The following TRHDE variants were observed in gnomAD, a reference collection of about 807,000 sequenced individuals.
The protein encoded by TRHDE is thyrotropin releasing hormone degrading enzyme.
A neutral mutation model predicts 125.7 loss-of-function variants in TRHDE; 72 were observed. The observed-to-expected ratio is 0.57, with a 90% CI of 0.47 to 0.70. The LOEUF (loss-of-function observed/expected upper bound fraction) is 0.70. Among genes scored for constraint, TRHDE ranks in the 30% least tolerant of loss-of-function variants. TRHDE has a pLI of 0.00. For synonymous variants in TRHDE, 509 were observed against 509.1 expected (o/e 1.00, Z 0.00); for missense variants, 1,110 against 1,327.1 (o/e 0.84, Z 2.54).
At chr12:72,348,140 A>C (rs961745094) in intron 2 of TRHDE, among the ~76,000 whole-genome samples, 1 of 152,072 alleles carries the variant, frequency 6.6e-6, no homozygotes, top group African/African-American at 2.4e-5. Flanking sequence ...TTATATATAT[A>C]CACACACATT....
intron 5 of TRHDE, among the ~76,000 whole-genome samples, chr12:72,495,059 C>CA (rs1592489033): frequency 1.7e-5 from 1 of 59,982 alleles, no homozygotes. Flanking sequence ...GTTCCTCCCC[C>CA]GTTTTTTTTT....
At chr12:72,615,180 G>A (rs1872770492) in intron 12 of TRHDE, among the ~76,000 whole-genome samples, 1 of 151,860 alleles carries the variant, frequency 6.6e-6, no homozygotes, top group Non-Finnish European at 1.5e-5. Context: ...CCAATAGTAG[G>A]GAAGAAAGGT....
intron 2 of TRHDE, among the ~76,000 whole-genome samples, chr12:72,165,739 A>G (rs1044790486): frequency 2.6e-5 from 4 of 151,418 alleles, no homozygotes; most frequent in Non-Finnish European, 1.5e-5. Context: ...CAGGGGCACG[A>G]TCTTGGCTCA....
At chr12:72,200,414 A>G (rs186564691) in intron 2 of TRHDE, among the ~76,000 whole-genome samples, 1 of 152,330 alleles carries the variant, frequency 6.6e-6, no homozygotes, top group East Asian at 1.9e-4. Flanking sequence ...CATCCAAAAG[A>G]TGTGTGTTAG....
At chr12:72,525,601 T>TTTTGTG (rs1302553989) in intron 6 of TRHDE, among the ~76,000 whole-genome samples, 1 of 127,672 alleles carries the variant, frequency 7.8e-6, no homozygotes, top group African/African-American at 3.2e-5. Flanking sequence ...TGTGTGTGGT[T>TTTTGTG]TGTGTGTGTG....
At chr12:72,396,617 G>T (rs1486611034) in intron 3 of TRHDE, among the ~76,000 whole-genome samples, 1 of 152,048 alleles carries the variant, frequency 6.6e-6, no homozygotes, top group African/African-American at 2.4e-5. Context: ...GATGGTGCAT[G>T]CCTGTACTCC....
At chr12:72,470,404 C>A (rs1876585108) in intron 4 of TRHDE, among the ~76,000 whole-genome samples, 1 of 152,190 alleles carries the variant, frequency 6.6e-6, no homozygotes, top group Non-Finnish European at 1.5e-5. Flanking sequence ...ACTCTTTGTT[C>A]TCAAATGATT....
At chr12:72,287,056 T>C in intron 2 of TRHDE, 102 bp downstream of exon 2, 1 of 1,206,070 alleles carries the variant, frequency 8.3e-7, no homozygotes. Context: ...TTTTACACCT[T>C]ATATAGTGGA....
At chr12:72,554,177 TA>T (rs976192713) in intron 7 of TRHDE, among the ~76,000 whole-genome samples, 2 of 152,136 alleles carry the variant, frequency 1.3e-5, no homozygotes, top group African/African-American at 4.8e-5. Flanking sequence ...ATAGTGTTTC[TA>T]GAACATTTTG....
intron 2 of TRHDE, among the ~76,000 whole-genome samples, chr12:72,216,232 C>T (rs944592539): frequency 1.3e-5 from 2 of 152,144 alleles, no homozygotes; most frequent in Non-Finnish European, 2.9e-5. Flanking sequence ...TTCTATGAGA[C>T]TTCTAGGCTA....
chr12:72,187,471 T>TGGTCGTG (rs1565658220), intron 2 of TRHDE, among the ~76,000 whole-genome samples: 10 of 120,500 alleles, frequency 8.3e-5, no homozygotes, highest in South Asian at 3.2e-4. Context: ...TGGTGGTGGT[T>TGGTCGTG]GTGGTCGTGG....
intron 2 of TRHDE, chr12:72,256,631 A>AAATGAATG (rs34090999): frequency 6.6e-6 from 1 of 152,020 alleles, no homozygotes; most frequent in Non-Finnish European, 1.5e-5. Context: ...TTTGTTGACT[A>AAATGAATG]AATGAATGAA....
chr12:72,378,246 C>A (rs567237530), intron 3 of TRHDE, 125 bp downstream of exon 3: 20 of 990,094 alleles, frequency 2.0e-5, no homozygotes, highest in Middle Eastern at 3.3e-4. Flanking sequence ...AGAAGATAAG[C>A]ACAAAAAAAA....
In TRHDE at chr12:72,667,704, T is replaced by G. The variant is rs1462777393; in HGVS notation, c.*4509T>G. 1 of 151,810 alleles carries G rather than the reference T, an allele frequency of 6.6e-6. No homozygotes were observed. The highest frequency in any genetic ancestry group is 1.5e-5 in the Non-Finnish European group (1 of 67,798). The allele number at this position is 151,810 out of a possible 1,614,324, so 9.4% of individuals were successfully genotyped here. A position where few individuals can be genotyped will look rare whatever the true frequency, so the allele number is the denominator to read the frequency against. ...TTCTCAAAACATTTATGATACCTAG[T>G]ATAATTTTTATTGTTTGATTTCCTA... On this transcript the variant is annotated 3_prime_UTR_variant, in exon 19 of 19. Coordinates refer to ENST00000261180, the MANE Select transcript of TRHDE (RefSeq NM_013381.3).
intron 2 of TRHDE, among the ~76,000 whole-genome samples, chr12:72,224,418 G>T (rs1305256568): frequency 2.0e-5 from 3 of 152,034 alleles, no homozygotes; most frequent in Non-Finnish European, 4.4e-5. Context: ...AGCCAGTCAG[G>T]TTGATCTCTC....
chr12:72,300,661 A>G (rs1024975889), intron 2 of TRHDE, among the ~76,000 whole-genome samples: 3 of 151,776 alleles, frequency 2.0e-5, no homozygotes, highest in African/African-American at 7.3e-5. Flanking sequence ...TATAGTATGT[A>G]TATACACACA....
At chr12:72,491,701 T>A (rs2135926957) in intron 5 of TRHDE, among the ~76,000 whole-genome samples, 1 of 152,066 alleles carries the variant, frequency 6.6e-6, no homozygotes, top group Admixed American at 6.6e-5. Context: ...TGCAGAGGGT[T>A]ATCTGGGATT....
rs764896754 is a variant in TRHDE, at chr12:72,663,138, G to C, written c.3153G>C (p.Trp1051Cys). The change falls in exon 19 of 19, where the codon TGG becomes TGC. Residue 1051 changes from tryptophan (W) to cysteine (C), a missense_variant. By Grantham distance (215) the Trp-to-Cys change is radical (BLOSUM62 -2). Transcript: ENST00000261180. ...AAACTGTCGAAGCCAATGTGCGCTG[G>C]AAAATGCTTTACCAAGACGAGCTTT... Reference protein sequence around the residue: ...AVETVEANVRWKMLYQDELFQ... With the variant: ...AVETVEANVRCKMLYQDELFQ... 9 of 1,613,158 alleles carry C rather than the reference G, an allele frequency of 5.6e-6. No individual in the cohort carries two copies. The highest frequency in any genetic ancestry group is 7.6e-6 in the Non-Finnish European group (9 of 1,179,504).
intron 2 of TRHDE, among the ~76,000 whole-genome samples, chr12:72,126,468 G>A (rs1008906701): frequency 2.0e-5 from 3 of 151,848 alleles, no homozygotes; most frequent in African/African-American, 4.8e-5. Flanking sequence ...ATCAGGCTAC[G>A]GTACCCCAAA....
Sources: allele counts gnomAD v4.1 joint callset (sites outside exome capture counted in the v4.1 genomes callset), GRCh38; gene constraint gnomAD v4.1.1; transcripts MANE v1.5; gene names NCBI Gene and HGNC (gene_info 2026-07-23, HGNC 2026-07-21).